The following SLC35F2 variants were observed in gnomAD, a reference collection of about 807,000 sequenced individuals.
SLC35F2 encodes queuine/queuosine transporter SLC35F2.
A neutral mutation model predicts 38.1 loss-of-function variants in SLC35F2; 25 were observed. That is an observed-to-expected ratio of 0.66 (90% CI 0.48 to 0.92). SLC35F2 has a LOEUF of 0.92. SLC35F2 is among the 40% of genes least tolerant of loss of function. The probability of loss-of-function intolerance (pLI) is 0.00; values close to 1 mark genes in which losing one functional copy is unlikely to be tolerated. For synonymous variants in SLC35F2, 173 were observed against 181.7 expected, an observed-to-expected ratio of 0.95 and a Z score of 0.38; for missense variants, 409 against 452.9, an observed-to-expected ratio of 0.90 and a Z score of 0.88.
chr11:107,843,504 C>T (rs964469211), intron 1 of SLC35F2, among the ~76,000 whole-genome samples: 3 of 150,248 alleles, frequency 2.0e-5, no homozygotes, highest in Middle Eastern at 3.2e-3. Context: ...GAGCCAAGAT[C>T]GCACCATTGC....
At chr11:107,832,096 G>A (rs1163006320) in intron 1 of SLC35F2, among the ~76,000 whole-genome samples, 1 of 152,070 alleles carries the variant, frequency 6.6e-6, no homozygotes, top group Non-Finnish European at 1.5e-5. Context: ...TAGACTAAAG[G>A]ATGGGGTGGG....
intron 3 of SLC35F2, chr11:107,810,602 T>A: frequency 1.0e-6 from 1 of 985,382 alleles, no homozygotes; most frequent in Non-Finnish European, 1.2e-6. Context: ...AACTTTAGGT[T>A]CTTTTTGTGC....
At chr11:107,838,967 A>G (rs1859977366) in intron 1 of SLC35F2, among the ~76,000 whole-genome samples, 1 of 152,164 alleles carries the variant, frequency 6.6e-6, no homozygotes, top group Non-Finnish European at 1.5e-5. Flanking sequence ...CTCTTGTGAG[A>G]TAGAGATTAT....
In SLC35F2 at chr11:107,791,334, T is replaced by C. The variant is rs2134750155; in HGVS notation, c.*1281A>G. On this transcript the variant is annotated 3_prime_UTR_variant, in exon 8 of 8. Coordinates refer to ENST00000525815, the MANE Select transcript of SLC35F2 (RefSeq NM_017515.5). The stretch of plus-strand genomic sequence containing the variant: ...AAACAAAGCTTTTTCTTTGTTGTGA[T>C]ACTGTGCACTAAGACTTAGTTTCTT... 6.6e-6 allele frequency: 1 copy of C among 152,366 alleles called. No homozygotes were observed. Among genetic ancestry groups the C allele is most frequent in the South Asian group, 2.1e-4 (1 of 4,834 alleles). 9.4% of individuals were successfully genotyped at this position (152,366 alleles called of 1,614,324 possible). A position where few individuals can be genotyped will look rare whatever the true frequency, so the allele number is the denominator to read the frequency against.
chr11:107,792,645 G>A lies in SLC35F2; in HGVS notation c.1095C>T (p.Asn365=). Reference sequence around the variant, plus strand: ...AGACAGCAGAGTGGGTCTCCTGGAGGTTCTCCTCCAGCTTCAGCCCCAGGT... The same window carrying A: ...AGACAGCAGAGTGGGTCTCCTGGAGATTCTCCTCCAGCTTCAGCCCCAGGT... The part of the protein sequence containing the change: ...IDNLGLKLEE[N]LQETHSAVL The change falls in exon 8 of 8, where the codon AAC becomes AAT. Residue 365 remains asparagine (N), a synonymous_variant. Coordinates refer to ENST00000525815, the MANE Select transcript of SLC35F2 (RefSeq NM_017515.5). 2 of 1,613,276 alleles carry A rather than the reference G, an allele frequency of 1.2e-6. No homozygotes were observed. The highest frequency in any genetic ancestry group is 1.7e-6 in the Non-Finnish European group (2 of 1,179,780).
chr11:107,806,355 C>T (rs1859389213), intron 4 of SLC35F2, among the ~76,000 whole-genome samples: 1 of 152,224 alleles, frequency 6.6e-6, no homozygotes, highest in East Asian at 1.9e-4. Context: ...TGGGTGAATT[C>T]ACAGACCTTA....
At chr11:107,795,798 T>C (rs1021152210) in intron 7 of SLC35F2, among the ~76,000 whole-genome samples, 17 of 152,160 alleles carry the variant, frequency 1.1e-4, no homozygotes, top group African/African-American at 3.6e-4. Flanking sequence ...ATGGCTATTA[T>C]TAAAAAGTCA....
At chr11:107,810,204 C>A in intron 3 of SLC35F2, 1 of 985,360 alleles carries the variant, frequency 1.0e-6, no homozygotes, top group Non-Finnish European at 1.2e-6. Flanking sequence ...ATAATATATT[C>A]TTTGCTAGGA....
chr11:107,833,518 C>CAAAAAAAAAAAAAAAAAA lies in SLC35F2; in HGVS notation c.111-17571_111-17554dup, dbSNP rs34376803. On this transcript the variant is annotated intron_variant, in intron 1 of 7. Coordinates refer to ENST00000525815, the MANE Select transcript of SLC35F2 (RefSeq NM_017515.5). ...TGGGCATCAGAGTGAGACTCTGTCT[C>CAAAAAAAAAAAAAAAAAA]AAAAAAAAAAAAAAAAAAAGGAGAG... Among the ~76,000 whole-genome samples the CAAAAAAAAAAAAAAAAAA allele has an allele frequency of 6.8e-3, 612 of 89,448 alleles. 14 individuals are homozygous for CAAAAAAAAAAAAAAAAAA. Among genetic ancestry groups the CAAAAAAAAAAAAAAAAAA allele is most frequent in the Non-Finnish European group, 9.6e-3 (445 of 46,226 alleles). 58.7% of individuals were successfully genotyped at this position (89,448 alleles called of 152,430 possible). A position where few individuals can be genotyped will look rare whatever the true frequency, so the allele number is the denominator to read the frequency against.
chr11:107,831,437 C>G (rs1565436984), intron 1 of SLC35F2, among the ~76,000 whole-genome samples: 1 of 152,160 alleles, frequency 6.6e-6, no homozygotes, highest in Non-Finnish European at 1.5e-5. Flanking sequence ...GTTGCCCAGG[C>G]TGGTCTCAAA....
At chr11:107,848,175 T>C (rs1273381269) in intron 1 of SLC35F2, among the ~76,000 whole-genome samples, 1 of 151,992 alleles carries the variant, frequency 6.6e-6, no homozygotes, top group Non-Finnish European at 1.5e-5. Flanking sequence ...ATGATACACA[T>C]AAAAATGGCT....
chr11:107,814,116 A>C (rs902683911), intron 2 of SLC35F2, among the ~76,000 whole-genome samples: 3 of 152,058 alleles, frequency 2.0e-5, no homozygotes, highest in Non-Finnish European at 2.9e-5. Context: ...ACGATTCAAA[A>C]GCAAGTAGTA....
chr11:107,800,867 T>C (rs1017981169), intron 7 of SLC35F2, among the ~76,000 whole-genome samples: 6 of 150,838 alleles, frequency 4.0e-5, no homozygotes, highest in African/African-American at 1.5e-4. Flanking sequence ...GACCTAAAAC[T>C]CTGGGGAAGA....
At chr11:107,808,080 A>T (rs1212815060) in intron 3 of SLC35F2, among the ~76,000 whole-genome samples, 1 of 152,212 alleles carries the variant, frequency 6.6e-6, no homozygotes, top group Admixed American at 6.5e-5. Context: ...ACCACCAGAT[A>T]TTTCACTGGA....
At chr11:107,796,239 A>G (rs1859215621) in intron 7 of SLC35F2, among the ~76,000 whole-genome samples, 1 of 152,210 alleles carries the variant, frequency 6.6e-6, no homozygotes, top group African/African-American at 2.4e-5. Flanking sequence ...AACTAAAAAT[A>G]GAACTACTAT....
chr11:107,805,228 C>T lies in SLC35F2; in HGVS notation c.731+131G>A, dbSNP rs535385031. On this transcript the variant is annotated intron_variant, in intron 5 of 7. Transcript: ENST00000525815. ...AAGTTATTAGGTAATGGCAAAACCA[C>T]AATTACTCTTGCATCCACCTAATAC... The T allele has an allele frequency of 1.6e-4, 216 of 1,382,208 alleles. 3 individuals are homozygous for T. In the African/African-American group the frequency reaches 2.6e-3, roughly 16 times the overall value. The allele number at this position is 1,382,208 out of a possible 1,614,324, so 85.6% of individuals were successfully genotyped here.
chr11:107,850,528 T>G (rs545034804), intron 1 of SLC35F2, among the ~76,000 whole-genome samples: 1 of 152,004 alleles, frequency 6.6e-6, no homozygotes. Context: ...CCCCAACAAA[T>G]AGTCAACTCA....
At chr11:107,853,580 CG>C (rs1173229384) in intron 1 of SLC35F2, among the ~76,000 whole-genome samples, 9 of 151,668 alleles carry the variant, frequency 5.9e-5, no homozygotes, top group Non-Finnish European at 1.0e-4. Flanking sequence ...ATTAGCCGGG[CG>C]TGGTGGTGGG....
intron 7 of SLC35F2, among the ~76,000 whole-genome samples, chr11:107,800,615 A>T (rs188651952): frequency 6.6e-6 from 1 of 152,288 alleles, no homozygotes; most frequent in Non-Finnish European, 1.5e-5. Flanking sequence ...TCTGTCAGCC[A>T]GGCTGGAGTG....
Sources: allele counts gnomAD v4.1 joint callset (sites outside exome capture counted in the v4.1 genomes callset), GRCh38; gene constraint gnomAD v4.1.1; transcripts MANE v1.5; gene names NCBI Gene and HGNC (gene_info 2026-07-23, HGNC 2026-07-21).